The following ASS1 variants were observed in gnomAD, a reference collection of about 807,000 sequenced individuals.
ASS1 encodes the protein argininosuccinate synthase 1.
Under a neutral mutation model 60.5 loss-of-function variants are expected in ASS1, and 58 were observed. The ratio of observed to expected loss-of-function variants is 0.96; its 90% CI spans 0.78 to 1.19. ASS1 has a LOEUF of 1.19. Ranked by LOEUF, ASS1 falls within the 50% of genes most tolerant of loss-of-function variation. The pLI is 0.00. For missense variants in ASS1, 454 were observed against 547.3 expected, an observed-to-expected ratio of 0.83 and a Z score of 1.70; for synonymous variants, 200 against 206.9, an observed-to-expected ratio of 0.97 and a Z score of 0.29.
Position 130,452,448 on chromosome 9 carries a change from G to A in ASS1, c.105+115G>A, listed in dbSNP as rs1615006. On this transcript the variant is annotated intron_variant, in intron 2 of 14. Transcript: ENST00000352480. ...TGTCTGCTCACCGTCACTCATTCAAGCCTGGCCTCTTCTCTCGAAGCCTGT... is the reference window on the plus strand; with the variant it reads ...TGTCTGCTCACCGTCACTCATTCAAACCTGGCCTCTTCTCTCGAAGCCTGT... 568,151 of 876,552 alleles carry A rather than the reference G, an allele frequency of 0.65. 189,315 individuals are homozygous for A. Among genetic ancestry groups the A allele is most frequent in the Admixed American group, 0.74 (37,458 of 50,788 alleles). The allele number at this position is 876,552 out of a possible 1,614,324, so 54.3% of individuals were successfully genotyped here.
chr9:130,455,200 T>C (rs1457675781), intron 3 of ASS1, among the ~76,000 whole-genome samples: 1 of 149,306 alleles, frequency 6.7e-6, no homozygotes, highest in Non-Finnish European at 1.5e-5. Flanking sequence ...ATCCATCATC[T>C]ACCCATGCAT....
intron 1 of ASS1, among the ~76,000 whole-genome samples, chr9:130,449,255 A>G (rs963492685): frequency 4.0e-5 from 6 of 148,426 alleles, no homozygotes; most frequent in Admixed American, 1.4e-4. Context: ...GGATGGGAGG[A>G]TCCCTTGAGC....
At position 130,459,162 on chromosome 9, in the gene ASS1, T is replaced by A. The variant is rs1845523546; in HGVS notation, c.363+573T>A. ...CATGGTTCTGGAGGCCTGAGGTCCATAGTGAGGGCATGGGCAGGGCCACGC... is the reference window on the plus strand; with the variant it reads ...CATGGTTCTGGAGGCCTGAGGTCCAAAGTGAGGGCATGGGCAGGGCCACGC... On this transcript the variant is annotated intron_variant, in intron 4 of 14. Transcript: ENST00000352480. The surrounding 1 kb of genome is among the most constrained non-coding windows in gnomAD (Gnocchi z 4.6). Among the ~76,000 whole-genome samples the A allele has an allele frequency of 6.6e-6, 1 of 152,152 alleles. No homozygotes were observed. Among genetic ancestry groups the A allele is most frequent in the Non-Finnish European group, 1.5e-5 (1 of 68,034 alleles).
In ASS1 at chr9:130,477,794, C is replaced by T. The variant is rs897507994; in HGVS notation, c.688+833C>T. Among the ~76,000 whole-genome samples, 3 of 152,068 alleles carry T rather than the reference C, an allele frequency of 2.0e-5. No homozygotes were observed. The highest frequency in any genetic ancestry group is 2.9e-5 in the Non-Finnish European group (2 of 67,982). On this transcript the variant is annotated intron_variant, in intron 9 of 14. Transcript: ENST00000352480. The surrounding 1 kb of genome is among the most constrained non-coding windows in gnomAD (Gnocchi z 4.2). ...GGCACAGGGGCACCCAAGGACCAGG[C>T]GGGGGGCTGGCCCATTCGTCCACAA...
chr9:130,476,736 CG>C lies in ASS1; in HGVS notation c.598-130del. 3 of 854,008 alleles carry C rather than the reference CG, an allele frequency of 3.5e-6. No individual in the cohort carries two copies. The highest frequency in any genetic ancestry group is 4.0e-6 in the Non-Finnish European group (2 of 496,606). The allele number at this position is 854,008 out of a possible 1,614,324, so 52.9% of individuals were successfully genotyped here. A position where few individuals can be genotyped will look rare whatever the true frequency, so the allele number is the denominator to read the frequency against. On this transcript the variant is annotated intron_variant, in intron 8 of 14. Coordinates refer to ENST00000352480, the MANE Select transcript of ASS1 (RefSeq NM_054012.4). The surrounding 1 kb of genome is among the most constrained non-coding windows in gnomAD (Gnocchi z 4.9). ...TGGTGCTAGGCTGAGGGCTGGGGAC[CG>C]GGGGATCTGCCGGACCCCACCAGCT...
At chr9:130,499,479 C>G (rs754856628) in intron 13 of ASS1, 26 bp from the exon 14 acceptor site, 2 of 1,611,204 alleles carry the variant, frequency 1.2e-6, no homozygotes, top group South Asian at 2.2e-5. Flanking sequence ...CCAGGCTGAG[C>G]TGACAAGCTT....
At chr9:130,457,199 T>G (rs1845467870) in intron 3 of ASS1, among the ~76,000 whole-genome samples, 1 of 152,218 alleles carries the variant, frequency 6.6e-6, no homozygotes, top group Admixed American at 6.5e-5. Flanking sequence ...TTTTCGTTTG[T>G]TTGTTTGTTT....
At chr9:130,468,967 G>C (rs965434884) in intron 6 of ASS1, among the ~76,000 whole-genome samples, 7 of 152,218 alleles carry the variant, frequency 4.6e-5, no homozygotes, top group African/African-American at 1.7e-4. Flanking sequence ...TTTGGTCTTG[G>C]GAGGGTCATT....
At chr9:130,449,018 G>A (rs935612874) in intron 1 of ASS1, among the ~76,000 whole-genome samples, 3 of 152,202 alleles carry the variant, frequency 2.0e-5, no homozygotes, top group Non-Finnish European at 4.4e-5. Flanking sequence ...AGCTCATAGT[G>A]GGGGAGAGGG....
chr9:130,475,927 C>A (rs550364357), intron 8 of ASS1, among the ~76,000 whole-genome samples: 1 of 152,044 alleles, frequency 6.6e-6, no homozygotes, highest in Non-Finnish European at 1.5e-5. Context: ...CGGATAATTT[C>A]TTTTGTATTT....
chr9:130,464,204 G>A, intron 5 of ASS1, 37 bp downstream of exon 5: 2 of 1,599,802 alleles, frequency 1.3e-6, no homozygotes, highest in South Asian at 1.1e-5. Context: ...GGGAGCACTA[G>A]CATCTGCAGC....
chr9:130,449,038 T>A (rs1176723288), intron 1 of ASS1, among the ~76,000 whole-genome samples: 1 of 152,140 alleles, frequency 6.6e-6, no homozygotes, highest in Non-Finnish European at 1.5e-5. Flanking sequence ...GCAGTTAGAA[T>A]ACAGCATGAT....
rs371677267 is a variant in ASS1 at position 130,494,820 on chromosome 9, G to A, written c.971-47G>A. The A allele has an allele frequency of 1.8e-5, 29 of 1,609,746 alleles. No homozygotes were observed. The highest frequency in any genetic ancestry group is 2.5e-5 in the Non-Finnish European group (29 of 1,177,086). ...GTGCCCCAGGTCTCCCTGTGTCCTC[G>A]CGGTGCAGGAGGCCTCCCTAGTGGT... On this transcript the variant is annotated intron_variant, in intron 12 of 14. Transcript: ENST00000352480. This position sits in a 1 kb window ranked among gnomAD's most constrained non-coding sequence, Gnocchi z 4.3.
At chr9:130,487,724 G>A (rs1284339532) in intron 11 of ASS1, among the ~76,000 whole-genome samples, 1 of 151,408 alleles carries the variant, frequency 6.6e-6, no homozygotes, top group African/African-American at 2.4e-5. Context: ...ACGGCCTTAT[G>A]TTGATGCTGT....
chr9:130,452,351 G>C lies in ASS1; in HGVS notation c.105+18G>C. ...CCTATCTGGTGAGGGAGCGACCTGG[G>C]TGTCTGTCTTCCTGCGTGTCCTGCA... is the stretch of plus-strand genomic sequence containing the variant. On this transcript the variant is annotated intron_variant, in intron 2 of 14. Coordinates refer to ENST00000352480, the MANE Select transcript of ASS1 (RefSeq NM_054012.4). 2 of 1,606,216 alleles carry C rather than the reference G, an allele frequency of 1.2e-6. No homozygotes were observed. The highest frequency in any genetic ancestry group is 1.7e-6 in the Non-Finnish European group (2 of 1,172,850).
chr9:130,458,693 A>C (rs1170355209), intron 4 of ASS1, 104 bp downstream of exon 4: 18 of 1,459,446 alleles, frequency 1.2e-5, no homozygotes, highest in Non-Finnish European at 1.5e-5. Context: ...TCCGGGGCAG[A>C]CTTGGTGCAA....
intron 4 of ASS1, among the ~76,000 whole-genome samples, chr9:130,461,011 C>T (rs1364389732): frequency 1.4e-5 from 2 of 144,122 alleles, no homozygotes; most frequent in Non-Finnish European, 3.0e-5. Context: ...CAGCGAGACT[C>T]TGTCCCAAAC....
At chr9:130,486,191 G>A (rs547855038) in intron 11 of ASS1, among the ~76,000 whole-genome samples, 1 of 152,152 alleles carries the variant, frequency 6.6e-6, no homozygotes, top group East Asian at 1.9e-4. Context: ...GAACTCCTGG[G>A]CTGAAACGAT....
chr9:130,464,438 C>T (rs1237738689), intron 5 of ASS1, among the ~76,000 whole-genome samples: 1 of 152,224 alleles, frequency 6.6e-6, no homozygotes, highest in Non-Finnish European at 1.5e-5. Flanking sequence ...TCTTCAGCCA[C>T]ATCCCTGGCA....
Sources: gnomAD v4.1 joint callset for allele counts (sites outside exome capture counted in the v4.1 genomes callset) on GRCh38, gnomAD v4.1.1 for gene constraint, Gnocchi (gnomAD v3.1) non-coding constraint, MANE v1.5 for transcripts, NCBI Gene and HGNC (gene_info 2026-07-23, HGNC 2026-07-21) for gene names.